The following NLGN4X variants were observed in gnomAD, a reference collection of about 807,000 sequenced individuals.
The protein encoded by NLGN4X is neuroligin-4, X-linked.
A neutral mutation model predicts 40.3 loss-of-function variants in NLGN4X; 3 were observed. That is an observed-to-expected ratio of 0.07 (90% confidence interval 0.03 to 0.19). The LOEUF is 0.19. Among genes scored for constraint, NLGN4X ranks in the 10% least tolerant of loss-of-function variants. The probability of loss-of-function intolerance (pLI) is 1.00; values close to 1 mark genes in which losing one functional copy is unlikely to be tolerated. For synonymous variants in NLGN4X, 270 were observed against 306.8 expected (o/e 0.88, Z 1.25); for missense variants, 382 against 708.3 (o/e 0.54, Z 5.23).
At chrX:6,154,578 G>A (rs1442346874) in intron 1 of NLGN4X, among the ~76,000 whole-genome samples, 2 of 110,955 alleles carry the variant, frequency 1.8e-5, no homozygotes, top group Non-Finnish European at 1.9e-5. Flanking sequence ...AGGGTGAAAC[G>A]TGGTTATTGA....
chrX:6,105,817 G>A (rs1342781827), intron 2 of NLGN4X, among the ~76,000 whole-genome samples: 1 of 111,931 alleles, frequency 8.9e-6, no homozygotes, highest in African/African-American at 3.2e-5. Context: ...TAAGGGAGGT[G>A]GTTAGATTGT....
At chrX:6,057,102 C>A (rs1405479387) in intron 2 of NLGN4X, among the ~76,000 whole-genome samples, 1 of 112,020 alleles carries the variant, frequency 8.9e-6, no homozygotes, top group African/African-American at 3.2e-5. Context: ...CAATTTGAAA[C>A]CTCAATGTGG....
At chrX:5,917,566 T>A (rs947082024) in intron 3 of NLGN4X, among the ~76,000 whole-genome samples, 2 of 111,965 alleles carry the variant, frequency 1.8e-5, no homozygotes. Context: ...TTTCTTTATA[T>A]GTGAAATGGG....
chrX:5,991,244 C>T (rs767508524), intron 3 of NLGN4X, among the ~76,000 whole-genome samples: 1 of 110,171 alleles, frequency 9.1e-6, no homozygotes, highest in South Asian at 3.9e-4. Flanking sequence ...AAAATATTTC[C>T]TTTCCTTTTT....
chrX:6,077,509 G>A (rs888510415), intron 2 of NLGN4X, among the ~76,000 whole-genome samples: 1 of 109,953 alleles, frequency 9.1e-6, no homozygotes, highest in East Asian at 2.9e-4. Context: ...GGCTGGTCTC[G>A]AACTCCTGGG....
At chrX:6,145,079 G>A (rs1489813304) in intron 2 of NLGN4X, among the ~76,000 whole-genome samples, 1 of 111,548 alleles carries the variant, frequency 9.0e-6, no homozygotes, top group Non-Finnish European at 1.9e-5. Context: ...TTTGGACAGT[G>A]AAGTGAAGTA....
At chrX:6,101,534 G>A (rs781759293) in intron 2 of NLGN4X, among the ~76,000 whole-genome samples, 1 of 111,627 alleles carries the variant, frequency 9.0e-6, no homozygotes, top group Non-Finnish European at 1.9e-5. Context: ...TAAAACTGGA[G>A]ATCATTATGT....
intron 2 of NLGN4X, among the ~76,000 whole-genome samples, chrX:6,131,145 C>G (rs2039673750): frequency 9.0e-6 from 1 of 110,642 alleles, no homozygotes; most frequent in African/African-American, 3.3e-5. Context: ...TAATATTTTG[C>G]AGCCTAACTT....
At position 5,890,227 on chromosome X, in the gene NLGN4X, A is replaced by ATT; in HGVS notation, c.*2588_*2589dup. On this transcript the variant is annotated 3_prime_UTR_variant, in exon 6 of 6. Coordinates refer to ENST00000381095, the MANE Select transcript of NLGN4X (RefSeq NM_181332.3). ...ATCAAGAGTAAAAGCCTAGGACAGG[A>ATT]TTTTTTTTTTTCTTACTTTTTTCTC... 3.2e-5 allele frequency: 5 copies of ATT among 157,084 alleles called. No individual in the cohort carries two copies. The highest frequency in any genetic ancestry group is 5.9e-5 in the Non-Finnish European group (5 of 84,667). The allele number at this position is 157,084 out of a possible 1,213,427, so 12.9% of individuals were successfully genotyped here.
chrX:6,090,069 G>C (rs928331565), intron 2 of NLGN4X, among the ~76,000 whole-genome samples: 2 of 111,227 alleles, frequency 1.8e-5, no homozygotes, highest in Non-Finnish European at 3.8e-5. Context: ...GTAAACACAT[G>C]TCCTATTCTC....
intron 2 of NLGN4X, among the ~76,000 whole-genome samples, chrX:6,094,495 G>A (rs1450878951): frequency 6.4e-5 from 7 of 110,069 alleles, no homozygotes; most frequent in Non-Finnish European, 1.1e-4. Context: ...GGAACCCACC[G>A]ATGCTTCAAC....
chrX:5,960,042 A>G (rs1273260527), intron 3 of NLGN4X, among the ~76,000 whole-genome samples: 1 of 111,587 alleles, frequency 9.0e-6, no homozygotes, highest in Non-Finnish European at 1.9e-5. Context: ...TTATAGAATT[A>G]TCATAAAGCT....
At chrX:5,990,727 C>T (rs1194365348) in intron 3 of NLGN4X, among the ~76,000 whole-genome samples, 1 of 111,299 alleles carries the variant, frequency 9.0e-6, no homozygotes, top group East Asian at 2.8e-4. Flanking sequence ...TTGGATGAAA[C>T]AGACTAAGGG....
chrX:5,914,602 TATATA>T lies in NLGN4X; in HGVS notation c.626-5368_626-5364del, dbSNP rs765595288. 8.9e-3 allele frequency among the ~76,000 whole-genome samples: 605 copies of T among 68,083 alleles called. 2 individuals are homozygous for T. The highest frequency in any genetic ancestry group is 0.043 in the South Asian group (53 of 1,239). The allele number at this position is 68,083 out of a possible 115,157, so 59.1% of individuals were successfully genotyped here. On this transcript the variant is annotated intron_variant, in intron 3 of 5. Coordinates refer to ENST00000381095, the MANE Select transcript of NLGN4X (RefSeq NM_181332.3). ...CACCTGATATGTGTGTATGTATATA[TATATA>T]ATATATGTATGTATATATATATATA...
At chrX:5,914,454 A>G (rs772438938) in intron 3 of NLGN4X, among the ~76,000 whole-genome samples, 71 of 110,999 alleles carry the variant, frequency 6.4e-4, no homozygotes, top group Admixed American at 1.8e-3. Flanking sequence ...GCTGCAATCC[A>G]TTTTCTTTTA....
chrX:6,029,462 A>C, intron 2 of NLGN4X, 30 bp from the exon 3 acceptor site: 1 of 1,189,270 alleles, frequency 8.4e-7, no homozygotes, highest in South Asian at 1.8e-5. Context: ...AAGGAAACAC[A>C]ATAAAGAATC....
rs199750402 is a variant in NLGN4X, at chrX:5,894,564, G to A, written c.1602-898C>T. Among the ~76,000 whole-genome samples, 3 of 111,607 alleles carry A rather than the reference G, an allele frequency of 2.7e-5. No individual in the cohort carries two copies. The East Asian group carries it at 8.5e-4, about 32-fold the overall frequency. ...CAAGGGCTGTTACAGATGCTAAGTT[G>A]TGCTTGGAAACTATGAGCCAAAGAA... On this transcript the variant is annotated intron_variant, in intron 5 of 5. Coordinates refer to ENST00000381095, the MANE Select transcript of NLGN4X (RefSeq NM_181332.3).
intron 1 of NLGN4X, among the ~76,000 whole-genome samples, chrX:6,224,480 A>G (rs1187365360): frequency 1.8e-5 from 2 of 112,087 alleles, no homozygotes; most frequent in Non-Finnish European, 3.8e-5. Context: ...ACTACACACA[A>G]AACAATGAAA....
At chrX:5,972,547 C>T (rs1343911076) in intron 3 of NLGN4X, among the ~76,000 whole-genome samples, 1 of 111,522 alleles carries the variant, frequency 9.0e-6, no homozygotes, top group Non-Finnish European at 1.9e-5. Context: ...CTTACACATA[C>T]TCTTTTACTA....
Sources: gnomAD v4.1 joint callset for allele counts (sites outside exome capture counted in the v4.1 genomes callset) on GRCh38, gnomAD v4.1.1 for gene constraint, MANE v1.5 for transcripts, NCBI Gene and HGNC (gene_info 2026-07-23, HGNC 2026-07-21) for gene names.